The following EDAR variants were observed in gnomAD, a reference collection of about 807,000 sequenced individuals.
The protein encoded by EDAR is ectodysplasin A receptor, also known as tumor necrosis factor receptor superfamily member EDAR.
In EDAR, 38 loss-of-function variants were observed where a neutral mutation model predicts 51.3. That is an observed-to-expected ratio of 0.74 (90% CI 0.57 to 0.97). The LOEUF is 0.97. Among genes scored for constraint, EDAR ranks in the 50% least tolerant of loss-of-function variants. The pLI is 0.00. For missense variants in EDAR, 528 were observed against 595.0 expected, an observed-to-expected ratio of 0.89 and a Z score of 1.17; for synonymous variants, 227 against 242.1, an observed-to-expected ratio of 0.94 and a Z score of 0.58.
At chr2:108,908,678 C>T (rs1450236328) in intron 9 of EDAR, among the ~76,000 whole-genome samples, 1 of 152,214 alleles carries the variant, frequency 6.6e-6, no homozygotes, top group Non-Finnish European at 1.5e-5. Flanking sequence ...GCCCTAGGCA[C>T]ATGTGGGTTG....
At chr2:108,975,461 C>T (rs576664836) in intron 1 of EDAR, among the ~76,000 whole-genome samples, 6 of 152,276 alleles carry the variant, frequency 3.9e-5, no homozygotes, top group South Asian at 2.1e-4. Context: ...GCAAGACCTG[C>T]GTCTACTTTA....
At chr2:108,961,136 T>G (rs1698031455) in intron 1 of EDAR, among the ~76,000 whole-genome samples, 1 of 152,166 alleles carries the variant, frequency 6.6e-6, no homozygotes, top group Non-Finnish European at 1.5e-5. Context: ...CCCTGCAGAG[T>G]GGCCCCCGCT....
rs1697337524 is a variant in EDAR, at chr2:108,930,153, G to A, written c.141C>T (p.Cys47=). 6.2e-7 allele frequency: 1 copy of A among 1,613,974 alleles called. No homozygotes were observed. Among genetic ancestry groups the A allele is most frequent in the South Asian group, 1.1e-5 (1 of 91,080 alleles). The part of the protein sequence containing the change: ...YNQTTGLCQE[C]PPCGPGEEPY... The stretch of plus-strand genomic sequence containing the variant: ...GCTCCTCTCCCGGCCCACACGGGGG[G>A]CACTCCTGGCACAGCCCCGTAGTCT... Residue 47 remains cysteine, a synonymous_variant, in exon 3 of 12, where the codon TGC becomes TGT. Coordinates refer to ENST00000258443, the MANE Select transcript of EDAR (RefSeq NM_022336.4).
At chr2:108,974,203 G>C (rs919182333) in intron 1 of EDAR, among the ~76,000 whole-genome samples, 2 of 151,470 alleles carry the variant, frequency 1.3e-5, no homozygotes, top group Non-Finnish European at 2.9e-5. Flanking sequence ...GGTGGCAGGC[G>C]CCTGTAGTCC....
chr2:108,986,323 G>A (rs1698500091), intron 1 of EDAR, among the ~76,000 whole-genome samples: 1 of 152,184 alleles, frequency 6.6e-6, no homozygotes, highest in Non-Finnish European at 1.5e-5. Context: ...CCTCGCCTCT[G>A]AGGACAGGAG....
chr2:108,913,985 G>T (rs1696981855), intron 5 of EDAR, among the ~76,000 whole-genome samples: 2 of 150,154 alleles, frequency 1.3e-5, no homozygotes, highest in Non-Finnish European at 3.0e-5. Context: ...AAGGGGCCGG[G>T]CGCGGTAGCT....
chr2:108,964,909 A>AG (rs1245631063), intron 1 of EDAR, among the ~76,000 whole-genome samples: 1 of 152,244 alleles, frequency 6.6e-6, no homozygotes, highest in African/African-American at 2.4e-5. Flanking sequence ...GTCTGGAATA[A>AG]GGAACAGTTC....
At chr2:108,899,137 T>A (rs1192374482) in intron 11 of EDAR, among the ~76,000 whole-genome samples, 2 of 152,120 alleles carry the variant, frequency 1.3e-5, no homozygotes, top group Non-Finnish European at 2.9e-5. Context: ...TAAATGAACT[T>A]CTGAAAACTA....
chr2:108,945,117 G>A (rs1334204037), intron 1 of EDAR, among the ~76,000 whole-genome samples: 1 of 152,170 alleles, frequency 6.6e-6, no homozygotes, highest in Non-Finnish European at 1.5e-5. Context: ...GGCGCTGCCT[G>A]TCCGTGAGGC....
At chr2:108,935,202 C>T (rs779678729) in intron 1 of EDAR, among the ~76,000 whole-genome samples, 1 of 152,194 alleles carries the variant, frequency 6.6e-6, no homozygotes, top group African/African-American at 2.4e-5. Flanking sequence ...TTTGGCCCTT[C>T]CTTCCTCAAT....
At chr2:108,982,084 A>G (rs535796836) in intron 1 of EDAR, among the ~76,000 whole-genome samples, 4 of 152,242 alleles carry the variant, frequency 2.6e-5, no homozygotes, top group Non-Finnish European at 5.9e-5. Context: ...CAATTTGGCT[A>G]TCTCTCCTAT....
At chr2:108,923,330 A>C in intron 5 of EDAR, 38 bp downstream of exon 5, 1 of 1,597,912 alleles carries the variant, frequency 6.3e-7, no homozygotes, top group South Asian at 1.1e-5. Context: ...ATCCGTGCTG[A>C]ACAAATACCG....
intron 11 of EDAR, among the ~76,000 whole-genome samples, chr2:108,905,773 G>A (rs1355665998): frequency 6.6e-6 from 1 of 152,274 alleles, no homozygotes; most frequent in Middle Eastern, 3.4e-3. Context: ...CAGCACTGAC[G>A]GTCCTATCCT....
rs762829915 is a variant in EDAR at position 108,906,335 on chromosome 2, A to T, written c.997T>A (p.Tyr333Asn). ...QSRRKKILDV[Y>N]ANVCGVVEGL... The stretch of plus-strand genomic sequence containing the variant: ...TCCACGACTCCACACACGTTGGCAT[A>T]CACATCGAGGATCTTTTTCCTCCGG... Residue 333 changes from tyrosine (Y) to asparagine (N), a missense_variant, in exon 11 of 12, where the codon TAT becomes AAT. Coordinates refer to ENST00000258443, the MANE Select transcript of EDAR (RefSeq NM_022336.4). The T allele has an allele frequency of 6.2e-7, 1 of 1,614,160 alleles. No homozygotes were observed. The highest frequency in any genetic ancestry group is 2.2e-5 in the East Asian group (1 of 44,878).
rs145203693 is a variant in EDAR at position 108,913,210 on chromosome 2, A to G, written c.443-446T>C. 9.3e-3 allele frequency among the ~76,000 whole-genome samples: 1,420 copies of G among 152,114 alleles called. 26 individuals carry two copies. The highest frequency in any genetic ancestry group is 0.032 in the African/African-American group (1,341 of 41,496). On this transcript the variant is annotated intron_variant, in intron 5 of 11. Coordinates refer to ENST00000258443, the MANE Select transcript of EDAR (RefSeq NM_022336.4). ...GTGATCTGCCCGCCTCGGCCTCCCA[A>G]AGTGCTGGGATTACAGGCATGAGCC... is the stretch of plus-strand genomic sequence containing the variant.
chr2:108,921,426 T>C (rs1697138986), intron 5 of EDAR, among the ~76,000 whole-genome samples: 1 of 152,186 alleles, frequency 6.6e-6, no homozygotes, highest in African/African-American at 2.4e-5. Context: ...TGCACTTTGT[T>C]TGGCGAGGGC....
intron 1 of EDAR, among the ~76,000 whole-genome samples, chr2:108,958,271 A>G (rs1305625885): frequency 6.6e-6 from 1 of 152,078 alleles, no homozygotes; most frequent in Non-Finnish European, 1.5e-5. Flanking sequence ...CACTGTTGAG[A>G]CTCGCCTGTT....
chr2:108,912,315 G>A (rs1558803124), intron 6 of EDAR, among the ~76,000 whole-genome samples: 1 of 152,206 alleles, frequency 6.6e-6, no homozygotes, highest in Non-Finnish European at 1.5e-5. Context: ...TGGTCAGCAT[G>A]TTTATATGAA....
At chr2:108,988,450 G>A (rs895969405) in intron 1 of EDAR, among the ~76,000 whole-genome samples, 3 of 151,714 alleles carry the variant, frequency 2.0e-5, no homozygotes, top group African/African-American at 4.8e-5. Flanking sequence ...CCCTCTCCCC[G>A]CTCCCCCGCC....
Sources: gnomAD v4.1 joint callset for allele counts (sites outside exome capture counted in the v4.1 genomes callset) on GRCh38, gnomAD v4.1.1 for gene constraint, MANE v1.5 for transcripts, NCBI Gene and HGNC (gene_info 2026-07-23, HGNC 2026-07-21) for gene names.